Variants in FAM53A observed in about 807,000 individuals in gnomAD.
FAM53A encodes the protein protein FAM53A.
A neutral mutation model predicts 26.6 loss-of-function variants in FAM53A; 28 were observed. That is an observed-to-expected ratio of 1.05 (90% CI 0.78 to 1.45). The LOEUF (loss-of-function observed/expected upper bound fraction) is 1.45, where lower values mean the gene tolerates loss of function less well. FAM53A is among the 40% of genes most tolerant of loss of function. The pLI is 0.00. For missense variants in FAM53A, 650 were observed against 575.8 expected (o/e 1.13, Z -1.32); for synonymous variants, 290 against 253.1 (o/e 1.15, Z -1.38).
At chr4:1,578,771 AG>A in the FAM53A span, among the ~76,000 whole-genome samples, 1 of 120,342 alleles carries the variant, frequency 8.3e-6, no homozygotes, top group Non-Finnish European at 1.8e-5. Context: ...GAAGGGGCGG[AG>A]GAGGGGAGAG....
At chr4:1,663,691 G>T (rs950410696) in intron 2 of FAM53A, among the ~76,000 whole-genome samples, 1 of 152,052 alleles carries the variant, frequency 6.6e-6, no homozygotes, top group Non-Finnish European at 1.5e-5. Context: ...ACTGTAGGCT[G>T]GGCGCAGTGG....
chr4:1,679,770 C>G (rs1032578191), intron 1 of FAM53A, among the ~76,000 whole-genome samples: 1 of 150,918 alleles, frequency 6.6e-6, no homozygotes, highest in Non-Finnish European at 1.5e-5. Flanking sequence ...CAACTGGGGC[C>G]GGGTGTGGTG....
Position 1,659,831 on chromosome 4 carries a change from T to G in FAM53A, c.76-2363A>C, listed in dbSNP as rs554137445. On this transcript the variant is annotated intron_variant, in intron 2 of 4. Transcript: ENST00000308132. This position sits in a 1 kb window ranked among gnomAD's most constrained non-coding sequence, Gnocchi z 5.2. ...TGGTCGAAGGGGCTGGCTTCCTCTC[T>G]GATGCCTCTCACATATGCGCACTTA... 6.6e-6 allele frequency among the ~76,000 whole-genome samples: 1 copy of G among 152,354 alleles called. No individual in the cohort carries two copies. Among genetic ancestry groups the G allele is most frequent in the Admixed American group, 6.5e-5 (1 of 15,300 alleles).
chr4:1,620,324 C>T (rs1714974471), intron 1 of FAM53A, among the ~76,000 whole-genome samples: 1 of 152,052 alleles, frequency 6.6e-6, no homozygotes, highest in South Asian at 2.1e-4. Flanking sequence ...AGGAAATGGC[C>T]CCTCCTCCGC....
chr4:1,667,678 A>G (rs1269121462), intron 2 of FAM53A, among the ~76,000 whole-genome samples: 1 of 152,146 alleles, frequency 6.6e-6, no homozygotes, highest in Non-Finnish European at 1.5e-5. Context: ...CCCGAGACCC[A>G]CAGCTTTCCC....
intron 4 of FAM53A, among the ~76,000 whole-genome samples, chr4:1,645,357 C>A (rs778807233): frequency 1.4e-4 from 22 of 152,218 alleles, no homozygotes; most frequent in Non-Finnish European, 3.1e-4. Flanking sequence ...CTCTGGTGAG[C>A]GCCCTCCCAA....
chr4:1,644,324 C>A (rs1031017641), intron 4 of FAM53A: 2 of 1,535,930 alleles, frequency 1.3e-6, no homozygotes, highest in Non-Finnish European at 1.7e-6. Flanking sequence ...GACTCGCACT[C>A]GCGGGCACAG....
At chr4:1,622,141 G>A (rs923815505) in intron 1 of FAM53A, among the ~76,000 whole-genome samples, 33 of 152,152 alleles carry the variant, frequency 2.2e-4, no homozygotes, top group African/African-American at 7.2e-4. Context: ...ACTTGAGCCC[G>A]CCGACCCCTG....
chr4:1,608,201 C>T, the FAM53A span, among the ~76,000 whole-genome samples: 38 of 65,212 alleles, frequency 5.8e-4, no homozygotes, highest in Admixed American at 2.4e-3. Context: ...CCCTATGGCC[C>T]CCCTGGTCTC....
intron 1 of FAM53A, among the ~76,000 whole-genome samples, chr4:1,622,671 G>T (rs1480899307): frequency 6.6e-6 from 1 of 152,236 alleles, no homozygotes; most frequent in Middle Eastern, 3.2e-3. Flanking sequence ...GCTCTGGGCT[G>T]GCTCGCTCGG....
At chr4:1,676,065 C>T (rs1429373857) in intron 1 of FAM53A, among the ~76,000 whole-genome samples, 1 of 152,274 alleles carries the variant, frequency 6.6e-6, no homozygotes, top group African/African-American at 2.4e-5. Flanking sequence ...TAATTTAATT[C>T]GATCCACATG....
intron 4 of FAM53A, chr4:1,644,085 C>A: frequency 6.9e-7 from 1 of 1,439,270 alleles, no homozygotes; most frequent in Non-Finnish European, 9.2e-7. Context: ...CACCCGTGAC[C>A]TTGCAGACTC....
intron 3 of FAM53A, among the ~76,000 whole-genome samples, chr4:1,656,313 C>T: frequency 6.6e-6 from 1 of 152,364 alleles, no homozygotes; most frequent in East Asian, 1.9e-4. Flanking sequence ...GTCTAACGCG[C>T]TCCCCAGCCC....
chr4:1,647,956 T>G (rs567746744), intron 4 of FAM53A, among the ~76,000 whole-genome samples: 37 of 152,314 alleles, frequency 2.4e-4, no homozygotes, highest in Non-Finnish European at 4.1e-4. Context: ...ACGCCTGCAA[T>G]CCCAGCACTT....
intron 2 of FAM53A, among the ~76,000 whole-genome samples, chr4:1,666,091 C>A (rs1714206377): frequency 2.9e-5 from 3 of 103,308 alleles, no homozygotes; most frequent in African/African-American, 7.7e-5. Context: ...GCACCTGCAC[C>A]CCCTGTATCT....
chr4:1,589,392 A>C, the FAM53A span, among the ~76,000 whole-genome samples: 4 of 152,090 alleles, frequency 2.6e-5, no homozygotes, highest in African/African-American at 9.7e-5. Flanking sequence ...TTTATTTATA[A>C]TTTTTTTATT....
At chr4:1,637,203 C>T (rs376851690), downstream of FAM53A, among the ~76,000 whole-genome samples, 12 of 149,118 alleles carry the variant, frequency 8.0e-5, no homozygotes, top group East Asian at 1.4e-3. Flanking sequence ...GGGGTGGGGG[C>T]GGGGATGGCC....
At chr4:1,679,155 A>G (rs765716505) in intron 1 of FAM53A, among the ~76,000 whole-genome samples, 1 of 152,132 alleles carries the variant, frequency 6.6e-6, no homozygotes, top group South Asian at 2.1e-4. Context: ...ATATAAAAAG[A>G]TATTTTAAAA....
At chr4:1,627,586 TC>T (rs1715364753) in intron 1 of FAM53A, among the ~76,000 whole-genome samples, 1 of 152,122 alleles carries the variant, frequency 6.6e-6, no homozygotes, top group Admixed American at 6.5e-5. Flanking sequence ...GGGGCTCCCA[TC>T]CGCCGTGGGC....
Sources: allele counts gnomAD v4.1 joint callset (sites outside exome capture counted in the v4.1 genomes callset), GRCh38; gene constraint gnomAD v4.1.1; non-coding constraint Gnocchi (gnomAD v3.1); transcripts MANE v1.5; gene names NCBI Gene and HGNC (gene_info 2026-07-23, HGNC 2026-07-21).